CNGA3: variants seen among roughly 807,000 people sequenced by gnomAD.
CNGA3 encodes cyclic nucleotide gated channel subunit alpha 3.
In CNGA3, 42 loss-of-function variants were observed where a neutral mutation model predicts 46.6. The observed-to-expected ratio is 0.90, with a 90% CI of 0.70 to 1.17. The LOEUF is 1.17. CNGA3 is among the 50% of genes most tolerant of loss of function. CNGA3 has a pLI of 0.00. For synonymous variants in CNGA3, 394 were observed against 369.4 expected (o/e 1.07, Z -0.76); for missense variants, 893 against 890.7 (o/e 1.00, Z -0.03).
At chr2:98,385,263 G>T (rs918086300) in intron 5 of CNGA3, among the ~76,000 whole-genome samples, 1 of 152,200 alleles carries the variant, frequency 6.6e-6, no homozygotes, top group African/African-American at 2.4e-5. Context: ...GCCGTCTGCT[G>T]GTGACTTGAC....
At chr2:98,381,191 C>T (rs1574378850) in intron 4 of CNGA3, among the ~76,000 whole-genome samples, 2 of 152,200 alleles carry the variant, frequency 1.3e-5, no homozygotes, top group East Asian at 3.9e-4. Flanking sequence ...CTTTAGGACA[C>T]TTAGGTCTGT....
At chr2:98,390,189 T>G (rs1170713167) in intron 6 of CNGA3, among the ~76,000 whole-genome samples, 1 of 151,626 alleles carries the variant, frequency 6.6e-6, no homozygotes. Flanking sequence ...AGGCTGGAGT[T>G]CAGTGGCGCG....
At position 98,397,254 on chromosome 2, in the gene CNGA3, G is replaced by A; in HGVS notation, c.2084G>A (p.Ter695=). The stretch of plus-strand genomic sequence containing the variant: ...ACAAAAACAGAGGACAAACAACAGT[G>A]AAAATGCAGCATCTGTCTCCTGCTT... ...DATKTEDKQQ[*] is the part of the protein sequence containing the mutation. The change falls in exon 8 of 8, where the codon TGA becomes TAA. Residue 695 remains the stop codon, a stop_retained_variant. Coordinates refer to ENST00000272602, the MANE Select transcript of CNGA3 (RefSeq NM_001298.3). 1 of 1,613,510 alleles carries A rather than the reference G, an allele frequency of 6.2e-7. No individual in the cohort carries two copies. Among genetic ancestry groups the A allele is most frequent in the Non-Finnish European group, 8.5e-7 (1 of 1,179,994 alleles).
intron 1 of CNGA3, among the ~76,000 whole-genome samples, chr2:98,347,359 C>G (rs1344224767): frequency 1.3e-5 from 2 of 152,190 alleles, no homozygotes; most frequent in African/African-American, 2.4e-5. Context: ...CGCCGGGCTC[C>G]CAGCCGTCAG....
chr2:98,382,957 C>T (rs1249239158), intron 4 of CNGA3, among the ~76,000 whole-genome samples: 1 of 152,218 alleles, frequency 6.6e-6, no homozygotes. Flanking sequence ...CTGCGTCCAT[C>T]CTGGGGCAGA....
At chr2:98,387,095 G>A (rs898147429) in intron 5 of CNGA3, among the ~76,000 whole-genome samples, 1 of 152,188 alleles carries the variant, frequency 6.6e-6, no homozygotes, top group Non-Finnish European at 1.5e-5. Flanking sequence ...CTCTTTTGTA[G>A]TCTGCTTCTT....
At chr2:98,382,415 C>G (rs1444561220) in intron 4 of CNGA3, among the ~76,000 whole-genome samples, 4 of 152,138 alleles carry the variant, frequency 2.6e-5, no homozygotes, top group African/African-American at 9.7e-5. Context: ...TGAGCAGAAC[C>G]AATCTAGAAA....
In CNGA3 at chr2:98,391,980, C is replaced by T. The variant is rs545951813; in HGVS notation, c.673+10C>T. 3 of 1,611,418 alleles carry T rather than the reference C, an allele frequency of 1.9e-6. No individual in the cohort carries two copies. The African/African-American group carries it at 4.0e-5, about 21-fold the overall frequency. On this transcript the variant is annotated intron_variant, in intron 7 of 7. Coordinates refer to ENST00000272602, the MANE Select transcript of CNGA3 (RefSeq NM_001298.3). Reference sequence around the variant, plus strand: ...GTACGAGCTCGGACAGGTGAGTGTGCCCCAGGCCTGGGGAGGGGACCATGG... The same window carrying T: ...GTACGAGCTCGGACAGGTGAGTGTGTCCCAGGCCTGGGGAGGGGACCATGG...
intron 3 of CNGA3, among the ~76,000 whole-genome samples, chr2:98,379,494 G>A (rs376930303): frequency 6.6e-6 from 1 of 152,210 alleles, no homozygotes; most frequent in South Asian, 2.1e-4. Flanking sequence ...TGTCTCAGAT[G>A]AGCTCTAGGG....
intron 4 of CNGA3, among the ~76,000 whole-genome samples, chr2:98,382,237 C>T (rs955836479): frequency 6.6e-6 from 1 of 152,192 alleles, no homozygotes; most frequent in African/African-American, 2.4e-5. Flanking sequence ...GTCTCCACTG[C>T]AAAGCCAAGT....
chr2:98,375,098 G>A (rs927972224), intron 2 of CNGA3, among the ~76,000 whole-genome samples: 24 of 152,276 alleles, frequency 1.6e-4, no homozygotes, highest in South Asian at 6.2e-4. Context: ...CATAGATCCC[G>A]CCCATATGCA....
chr2:98,385,945 A>G (rs537963965), intron 5 of CNGA3, among the ~76,000 whole-genome samples: 1 of 152,300 alleles, frequency 6.6e-6, no homozygotes, highest in East Asian at 1.9e-4. Context: ...TTGGTGCCAA[A>G]CCATGAGAAA....
At position 98,396,229 on chromosome 2, in the gene CNGA3, T is replaced by C; in HGVS notation, c.1059T>C (p.Ile353=). The C allele has an allele frequency of 6.2e-7, 1 of 1,614,042 alleles. No homozygotes were observed. The highest frequency in any genetic ancestry group is 8.5e-7 in the Non-Finnish European group (1 of 1,180,012). Residue 353 remains isoleucine (I), a synonymous_variant, in exon 8 of 8, where the codon ATT becomes ATC. Coordinates refer to ENST00000272602, the MANE Select transcript of CNGA3 (RefSeq NM_001298.3). The part of the protein sequence containing the change: ...PEHGRLSRKY[I]YSLYWSTLTL... Reference sequence around the variant, plus strand: ...ATGGGCGCCTCTCCAGGAAGTACATTTACAGTCTCTACTGGTCCACCTTGA... The same window carrying C: ...ATGGGCGCCTCTCCAGGAAGTACATCTACAGTCTCTACTGGTCCACCTTGA...
intron 3 of CNGA3, 81 bp from the exon 4 acceptor site, chr2:98,380,092 AAG>A (rs1441819814): frequency 5.4e-6 from 8 of 1,486,918 alleles, no homozygotes; most frequent in Middle Eastern, 2.3e-4. Context: ...GGGAGGGAGA[AAG>A]AGAGAGAGGG....
At chr2:98,383,361 C>T in intron 4 of CNGA3, 27 bp from the exon 5 acceptor site, 8 of 1,612,764 alleles carry the variant, frequency 5.0e-6, no homozygotes, top group Non-Finnish European at 6.8e-6. Context: ...AGTTCAGACC[C>T]TTGATGTTCT....
Position 98,397,302 on chromosome 2 carries a change from A to G in CNGA3, c.*47A>G, listed in dbSNP as rs1692945998. On this transcript the variant is annotated 3_prime_UTR_variant, in exon 8 of 8. Coordinates refer to ENST00000272602, the MANE Select transcript of CNGA3 (RefSeq NM_001298.3). ...CTTCACAGGGTCGACTGTCAGGGTG[A>G]CCGTATGTGGCCGCAGCTGTGTGGC... 1 of 1,585,628 alleles carries G rather than the reference A, an allele frequency of 6.3e-7. No homozygotes were observed. Among genetic ancestry groups the G allele is most frequent in the African/African-American group, 1.3e-5 (1 of 74,558 alleles).
intron 1 of CNGA3, among the ~76,000 whole-genome samples, chr2:98,361,924 G>T (rs1449866271): frequency 6.6e-6 from 1 of 151,796 alleles, no homozygotes; most frequent in Non-Finnish European, 1.5e-5. Context: ...AGCCAGGATG[G>T]TCTCGATTTC....
intron 2 of CNGA3, among the ~76,000 whole-genome samples, chr2:98,375,770 C>T (rs931701100): frequency 1.3e-5 from 2 of 152,124 alleles, no homozygotes; most frequent in African/African-American, 4.8e-5. Flanking sequence ...TCATCTGTGC[C>T]ATATATGAAA....
intron 1 of CNGA3, among the ~76,000 whole-genome samples, chr2:98,366,850 C>T (rs1224975662): frequency 6.6e-6 from 1 of 152,224 alleles, no homozygotes; most frequent in African/African-American, 2.4e-5. Context: ...ATCTGCACAG[C>T]TCTGTGCTTG....
Sources: gnomAD v4.1 joint callset for allele counts (sites outside exome capture counted in the v4.1 genomes callset) on GRCh38, gnomAD v4.1.1 for gene constraint, MANE v1.5 for transcripts, NCBI Gene and HGNC (gene_info 2026-07-23, HGNC 2026-07-21) for gene names.